COL28A1: variants seen among roughly 807,000 people sequenced by gnomAD.
The protein encoded by COL28A1 is collagen alpha-1(XXVIII) chain.
Under a neutral mutation model 150.2 loss-of-function variants are expected in COL28A1, and 161 were observed. That is an observed-to-expected ratio of 1.07 (90% confidence interval 0.94 to 1.22). The LOEUF (loss-of-function observed/expected upper bound fraction) is 1.22, where lower values mean the gene tolerates loss of function less well. Among genes scored for constraint, COL28A1 ranks in the 50% most tolerant of loss-of-function variants. COL28A1 has a pLI of 0.00. For synonymous variants in COL28A1, 552 were observed against 469.7 expected (o/e 1.18, Z -2.26); for missense variants, 1,617 against 1,388.3 (o/e 1.16, Z -2.62).
chr7:7,477,683 T>G (rs1789017406), intron 13 of COL28A1, among the ~76,000 whole-genome samples: 1 of 152,234 alleles, frequency 6.6e-6, no homozygotes, highest in Non-Finnish European at 1.5e-5. Context: ...CAGTGAATGT[T>G]ACAGCTCATA....
At chr7:7,521,469 A>G (rs1012336837) in intron 5 of COL28A1, among the ~76,000 whole-genome samples, 3 of 152,254 alleles carry the variant, frequency 2.0e-5, no homozygotes, top group Non-Finnish European at 2.9e-5. Context: ...CCATGAGGCC[A>G]CACGGTGTTG....
rs187974732 is a variant in COL28A1 at position 7,385,134 on chromosome 7, C to T, written c.2137-3522G>A. On this transcript the variant is annotated intron_variant, in intron 27 of 34. Transcript: ENST00000399429. ...CTGTTCAAATCAAAAGGAAAACAAACGCAAATAGTATAGGAACGATATCTC... is the reference window on the plus strand; with the variant it reads ...CTGTTCAAATCAAAAGGAAAACAAATGCAAATAGTATAGGAACGATATCTC... 7.6e-4 allele frequency among the ~76,000 whole-genome samples: 115 copies of T among 152,256 alleles called. 1 individual carries two copies. Among genetic ancestry groups the T allele is most frequent in the African/African-American group, 2.5e-3 (104 of 41,544 alleles).
chr7:7,442,268 T>C (rs1785857634), intron 20 of COL28A1, among the ~76,000 whole-genome samples: 3 of 152,208 alleles, frequency 2.0e-5, no homozygotes, highest in Admixed American at 1.3e-4. Context: ...CCTAACATGC[T>C]ACCATTCTGC....
intron 9 of COL28A1, among the ~76,000 whole-genome samples, chr7:7,507,415 T>C (rs1406530499): frequency 6.6e-6 from 1 of 152,176 alleles, no homozygotes; most frequent in Non-Finnish European, 1.5e-5. Context: ...GACATTTTGG[T>C]CATTTTGGTT....
intron 27 of COL28A1, among the ~76,000 whole-genome samples, chr7:7,415,087 A>G (rs1393092231): frequency 6.6e-6 from 1 of 152,240 alleles, no homozygotes; most frequent in Non-Finnish European, 1.5e-5. Context: ...CAACTAAGTT[A>G]GGTTGAAGCA....
In COL28A1 at chr7:7,431,815, C is replaced by T. The variant is rs114635896; in HGVS notation, c.1998+658G>A. On this transcript the variant is annotated intron_variant, in intron 25 of 34. Coordinates refer to ENST00000399429, the MANE Select transcript of COL28A1 (RefSeq NM_001037763.3). Reference sequence around the variant, plus strand: ...CCCACGTAAGAGATGACATTGTCTGCCTGGCAGAAGCAGAAAGAAAAAAAG... The same window carrying T: ...CCCACGTAAGAGATGACATTGTCTGTCTGGCAGAAGCAGAAAGAAAAAAAG... Among the ~76,000 whole-genome samples, 817 of 152,146 alleles carry T rather than the reference C, an allele frequency of 5.4e-3. 10 individuals carry two copies. The highest frequency in any genetic ancestry group is 0.019 in the African/African-American group (785 of 41,500).
intron 12 of COL28A1, among the ~76,000 whole-genome samples, chr7:7,489,782 C>G (rs1779818948): frequency 6.6e-6 from 1 of 152,116 alleles, no homozygotes; most frequent in African/African-American, 2.4e-5. Flanking sequence ...GTGTGCTGTG[C>G]CCTGCCCTCT....
chr7:7,480,433 G>A (rs2128359129), intron 13 of COL28A1, among the ~76,000 whole-genome samples: 1 of 152,220 alleles, frequency 6.6e-6, no homozygotes, highest in East Asian at 1.9e-4. Context: ...AGAGCAATTA[G>A]CTAGTAGGAA....
chr7:7,531,521 C>G lies in COL28A1; in HGVS notation c.508G>C (p.Asp170His). 1.2e-6 allele frequency: 2 copies of G among 1,612,250 alleles called. No individual in the cohort carries two copies. Among genetic ancestry groups the G allele is most frequent in the Non-Finnish European group, 1.7e-6 (2 of 1,178,432 alleles). ...TDGIDHPKNPDVQSISEDARI... is the reference protein window; with the variant it reads ...TDGIDHPKNPHVQSISEDARI... Reference sequence around the variant, plus strand: ...GCATCTTCAGAAATACTTTGAACATCTGGATTCTTTGGATGGTCGATGCCA... The same window carrying G: ...GCATCTTCAGAAATACTTTGAACATGTGGATTCTTTGGATGGTCGATGCCA... Residue 170 changes from aspartate (D) to histidine (H), a missense_variant, in exon 3 of 35, where the codon GAT (aspartate) becomes CAT (histidine). Coordinates refer to ENST00000399429, the MANE Select transcript of COL28A1 (RefSeq NM_001037763.3).
chr7:7,364,852 T>C (rs542172614), intron 33 of COL28A1, among the ~76,000 whole-genome samples: 73 of 152,310 alleles, frequency 4.8e-4, no homozygotes, highest in African/African-American at 1.7e-3. Context: ...TTCCATAGCA[T>C]AGAATAGGCA....
chr7:7,339,989 T>C, the COL28A1 span, among the ~76,000 whole-genome samples: 1 of 152,076 alleles, frequency 6.6e-6, no homozygotes, highest in African/African-American at 2.4e-5. Context: ...TACATTATTG[T>C]TTTTGTTTTT....
intron 27 of COL28A1, among the ~76,000 whole-genome samples, chr7:7,398,392 G>A (rs1342427958): frequency 2.6e-5 from 4 of 152,112 alleles, no homozygotes; most frequent in Non-Finnish European, 5.9e-5. Flanking sequence ...AAAGTGATTG[G>A]ACAAGTAGCA....
chr7:7,516,698 CAT>C (rs1455469630), intron 7 of COL28A1, among the ~76,000 whole-genome samples: 2 of 152,164 alleles, frequency 1.3e-5, no homozygotes, highest in African/African-American at 4.8e-5. Flanking sequence ...ATTACAGTTA[CAT>C]GTGAGTCAGA....
chr7:7,533,286 A>C (rs1782471572), intron 1 of COL28A1, among the ~76,000 whole-genome samples: 1 of 152,158 alleles, frequency 6.6e-6, no homozygotes, highest in Admixed American at 6.6e-5. Context: ...TTCAGGGGGA[A>C]TTCAGATTGC....
intron 10 of COL28A1, 70 bp from the exon 11 acceptor site, chr7:7,506,137 G>A: frequency 1.2e-6 from 1 of 851,128 alleles, no homozygotes. Context: ...CATTCTTTAG[G>A]GTCCCTAGAG....
At chr7:7,424,089 AAAT>A (rs56130534) in intron 25 of COL28A1, among the ~76,000 whole-genome samples, 26,118 of 152,162 alleles carry the variant, frequency 0.17, 2,678 homozygotes, top group African/African-American at 0.29. Flanking sequence ...AACTACGGGA[AAAT>A]AATGACTTAT....
At chr7:7,354,133 C>T (rs1780295413), downstream of COL28A1, among the ~76,000 whole-genome samples, 1 of 151,986 alleles carries the variant, frequency 6.6e-6, no homozygotes. Flanking sequence ...GCTGGGACTA[C>T]AGGCACCCAT....
chr7:7,533,162 C>T (rs1291742464), intron 1 of COL28A1, among the ~76,000 whole-genome samples: 3 of 151,864 alleles, frequency 2.0e-5, no homozygotes, highest in Non-Finnish European at 4.4e-5. Context: ...TTCTTAATTC[C>T]GCATTGTATT....
At chr7:7,372,965 T>G in intron 32 of COL28A1, 33 bp downstream of exon 32, 1 of 1,575,890 alleles carries the variant, frequency 6.3e-7, no homozygotes, top group Non-Finnish European at 8.6e-7. Flanking sequence ...ACAACATAAA[T>G]GCCTTTCCCC....
Sources: allele counts gnomAD v4.1 joint callset (sites outside exome capture counted in the v4.1 genomes callset), GRCh38; gene constraint gnomAD v4.1.1; transcripts MANE v1.5; gene names NCBI Gene and HGNC (gene_info 2026-07-23, HGNC 2026-07-21).